The following RBBP4 variants were observed in gnomAD, a reference collection of about 807,000 sequenced individuals.
The protein encoded by RBBP4 is histone-binding protein RBBP4.
RBBP4 carries 3 observed loss-of-function variants against 57.2 expected under a neutral mutation model. The observed-to-expected ratio is 0.05, with a 90% CI of 0.02 to 0.14. RBBP4 has a LOEUF of 0.14. Among genes scored for constraint, RBBP4 ranks in the 10% least tolerant of loss-of-function variants. The pLI is 1.00. For synonymous variants in RBBP4, 151 were observed against 171.5 expected, an observed-to-expected ratio of 0.88 and a Z score of 0.93; for missense variants, 107 against 520.6, an observed-to-expected ratio of 0.21 and a Z score of 7.73.
At position 32,681,957 on chromosome 1, in the gene RBBP4, A is replaced by G. The variant is rs969559869; in HGVS notation, c.*2252A>G. 8 of 1,084,156 alleles carry G rather than the reference A, an allele frequency of 7.4e-6. No homozygotes were observed. Among genetic ancestry groups the G allele is most frequent in the Non-Finnish European group, 1.1e-5 (8 of 714,266 alleles). 67.2% of individuals were successfully genotyped at this position (1,084,156 alleles called of 1,614,324 possible). ...GAGATTGTTACAGTGTGATTTATGGATGATCAGGGATGACTTTCCCCTAGC... is the reference window on the plus strand; with the variant it reads ...GAGATTGTTACAGTGTGATTTATGGGTGATCAGGGATGACTTTCCCCTAGC... On this transcript the variant is annotated 3_prime_UTR_variant, in exon 12 of 12. Coordinates refer to ENST00000373493, the MANE Select transcript of RBBP4 (RefSeq NM_005610.3).
At chr1:32,661,636 A>G (rs1648413924) in intron 3 of RBBP4, among the ~76,000 whole-genome samples, 1 of 151,844 alleles carries the variant, frequency 6.6e-6, no homozygotes, top group South Asian at 2.1e-4. Flanking sequence ...TGCTTTTCAC[A>G]GTTGTTGAAC....
Position 32,684,206 on chromosome 1 carries a change from A to T in RBBP4, c.*4501A>T. On this transcript the variant is annotated 3_prime_UTR_variant, in exon 12 of 12. Transcript: ENST00000373493. ...GGTAAAATTTTCCCTAAGCCCTCCC[A>T]CCATCCCCTCAGCCAGTATTAGATG... 6.2e-7 allele frequency: 1 copy of T among 1,609,258 alleles called. No homozygotes were observed. Among genetic ancestry groups the T allele is most frequent in the Non-Finnish European group, 8.5e-7 (1 of 1,176,234 alleles).
chr1:32,673,467 TCA>T (rs1344600599), intron 11 of RBBP4: 3 of 428,424 alleles, frequency 7.0e-6, no homozygotes, highest in African/African-American at 2.1e-5. Context: ...AGATGGTCTC[TCA>T]CTTTTTCACC....
At chr1:32,656,511 C>T (rs1260852743) in intron 2 of RBBP4, among the ~76,000 whole-genome samples, 1 of 152,134 alleles carries the variant, frequency 6.6e-6, no homozygotes, top group African/African-American at 2.4e-5. Flanking sequence ...GCCACCACAC[C>T]CGGCTAATTT....
chr1:32,680,443 CAAGTT>C lies in RBBP4; in HGVS notation c.*739_*743del. On this transcript the variant is annotated 3_prime_UTR_variant, in exon 12 of 12. Coordinates refer to ENST00000373493, the MANE Select transcript of RBBP4 (RefSeq NM_005610.3). ...GACAGTTATACCACAGGTAGACTGT[CAAGTT>C]GAGAAGAGTGAATCAATAACTTGTA... The C allele has an allele frequency of 1.4e-6, 2 of 1,420,478 alleles. No homozygotes were observed. Among genetic ancestry groups the C allele is most frequent in the Non-Finnish European group, 1.9e-6 (2 of 1,074,956 alleles). The allele number at this position is 1,420,478 out of a possible 1,614,324, so 88.0% of individuals were successfully genotyped here. A position where few individuals can be genotyped will look rare whatever the true frequency, so the allele number is the denominator to read the frequency against.
intron 3 of RBBP4, among the ~76,000 whole-genome samples, chr1:32,658,015 G>T (rs189159152): frequency 1.4e-3 from 219 of 152,180 alleles, no homozygotes; most frequent in African/African-American, 5.0e-3. Context: ...ACCACGCCTA[G>T]TTAATTTTTG....
intron 11 of RBBP4, among the ~76,000 whole-genome samples, chr1:32,674,096 G>A (rs568538974): frequency 9.9e-5 from 15 of 152,260 alleles, no homozygotes; most frequent in South Asian, 6.2e-4. Flanking sequence ...GCGAGACTCC[G>A]TCTCAATTAA....
intron 8 of RBBP4, among the ~76,000 whole-genome samples, chr1:32,672,170 A>G (rs1399344380): frequency 1.3e-5 from 2 of 151,722 alleles, no homozygotes; most frequent in Non-Finnish European, 2.9e-5. Context: ...TTGTATTTTT[A>G]GTAGAGACAG....
chr1:32,658,354 G>T (rs781377918), intron 3 of RBBP4, among the ~76,000 whole-genome samples: 4 of 62,996 alleles, frequency 6.3e-5, no homozygotes, highest in Non-Finnish European at 1.3e-4. Flanking sequence ...TCTTAGAGGA[G>T]CAATAGTAAA....
chr1:32,672,572 T>C, intron 9 of RBBP4, 46 bp downstream of exon 9: 5 of 1,597,092 alleles, frequency 3.1e-6, no homozygotes, highest in Non-Finnish European at 3.4e-6. Flanking sequence ...ATTTCCTTTA[T>C]TTACACTTTG....
rs1410034557 is a variant in RBBP4 at position 32,683,535 on chromosome 1, C to T, written c.*3830C>T. On this transcript the variant is annotated 3_prime_UTR_variant, in exon 12 of 12. Coordinates refer to ENST00000373493, the MANE Select transcript of RBBP4 (RefSeq NM_005610.3). ...TATTTTGAGTCCTACTAGAAACAAA[C>T]ATTCCAAATGAACTCTGAATGCCTG... 6.5e-6 allele frequency: 1 copy of T among 153,092 alleles called. No individual in the cohort carries two copies. The highest frequency in any genetic ancestry group is 1.5e-5 in the Non-Finnish European group (1 of 68,706). The allele number at this position is 153,092 out of a possible 1,614,324, so 9.5% of individuals were successfully genotyped here. A position where few individuals can be genotyped will look rare whatever the true frequency, so the allele number is the denominator to read the frequency against.
rs1385604408 is a variant in RBBP4, at chr1:32,653,654, T to G, written c.164+1593T>G. ...GTTTTCTGGTTTTTTTTTTTTTTTTTTTTTTGTTTTTGTTTTTTTTTTTGA... is the reference window on the plus strand; with the variant it reads ...GTTTTCTGGTTTTTTTTTTTTTTTTGTTTTTGTTTTTGTTTTTTTTTTTGA... On this transcript the variant is annotated intron_variant, in intron 2 of 11. Coordinates refer to ENST00000373493, the MANE Select transcript of RBBP4 (RefSeq NM_005610.3). 4.6e-3 allele frequency among the ~76,000 whole-genome samples: 236 copies of G among 50,990 alleles called. 2 individuals are homozygous for G. The highest frequency in any genetic ancestry group is 0.02 in the African/African-American group (218 of 10,988). 33.5% of individuals were successfully genotyped at this position (50,990 alleles called of 152,430 possible). A position where few individuals can be genotyped will look rare whatever the true frequency, so the allele number is the denominator to read the frequency against.
rs1557849770 is a variant in RBBP4, at chr1:32,653,637, G to GTTTTTTTTGTTTTTTTTTTT, written c.164+1584_164+1585insGTTTTTTTTTTTTTTTTTTT. ...TGCTTTGTGTGTTTTTTGTTTTCTG[G>GTTTTTTTTGTTTTTTTTTTT]TTTTTTTTTTTTTTTTTTTTTTGTT... is the stretch of plus-strand genomic sequence containing the variant. On this transcript the variant is annotated intron_variant, in intron 2 of 11. Transcript: ENST00000373493. Among the ~76,000 whole-genome samples, 19 of 20,776 alleles carry GTTTTTTTTGTTTTTTTTTTT rather than the reference G, an allele frequency of 9.1e-4. 2 individuals are homozygous for GTTTTTTTTGTTTTTTTTTTT. Among genetic ancestry groups the GTTTTTTTTGTTTTTTTTTTT allele is most frequent in the East Asian group, 2.4e-3 (1 of 424 alleles). The allele number at this position is 20,776 out of a possible 152,430, so 13.6% of individuals were successfully genotyped here.
At chr1:32,668,109 T>C in intron 3 of RBBP4, 116 bp from the exon 4 acceptor site, 1 of 912,980 alleles carries the variant, frequency 1.1e-6, no homozygotes, top group Non-Finnish European at 1.6e-6. Flanking sequence ...AGATTACATC[T>C]AGTATTATGC....
At chr1:32,653,638 T>TTTTTG (rs1647995150) in intron 2 of RBBP4, among the ~76,000 whole-genome samples, 1 of 13,224 alleles carries the variant, frequency 7.6e-5, no homozygotes, top group Non-Finnish European at 3.7e-4. Context: ...TGTTTTCTGG[T>TTTTTG]TTTTTTTTTT....
intron 2 of RBBP4, among the ~76,000 whole-genome samples, chr1:32,653,164 T>TA (rs562426421): frequency 2.0e-5 from 3 of 152,116 alleles, no homozygotes; most frequent in Non-Finnish European, 4.4e-5. Context: ...CCAAATTAGT[T>TA]ATAATTAGCA....
At chr1:32,662,649 T>C (rs530856540) in intron 3 of RBBP4, among the ~76,000 whole-genome samples, 3 of 151,866 alleles carry the variant, frequency 2.0e-5, no homozygotes, top group Non-Finnish European at 2.9e-5. Context: ...GCTGGGATTA[T>C]AGGCGTGAGC....
At chr1:32,654,893 C>G (rs1223578562) in intron 2 of RBBP4, among the ~76,000 whole-genome samples, 1 of 152,144 alleles carries the variant, frequency 6.6e-6, no homozygotes, top group East Asian at 1.9e-4. Context: ...TGGGGTTTCA[C>G]CATGTTGTCC....
At position 32,651,340 on chromosome 1, in the gene RBBP4, G is replaced by A. The variant is rs764529512; in HGVS notation, c.16+18G>A. 2.8e-6 allele frequency: 4 copies of A among 1,448,464 alleles called. No individual in the cohort carries two copies. Among genetic ancestry groups the A allele is most frequent in the Non-Finnish European group, 2.7e-6 (3 of 1,101,040 alleles). The allele number at this position is 1,448,464 out of a possible 1,614,324, so 89.7% of individuals were successfully genotyped here. On this transcript the variant is annotated intron_variant, in intron 1 of 11. Coordinates refer to ENST00000373493, the MANE Select transcript of RBBP4 (RefSeq NM_005610.3). ...CAAGGAAGGTGAGGGTGCCGGGGCC[G>A]ACCCAGGAGGGCAGTGGGTGCCTGG...
Sources: gnomAD v4.1 joint callset for allele counts (sites outside exome capture counted in the v4.1 genomes callset) on GRCh38, gnomAD v4.1.1 for gene constraint, MANE v1.5 for transcripts, NCBI Gene and HGNC (gene_info 2026-07-23, HGNC 2026-07-21) for gene names.